Variants in TRIM4 observed in about 807,000 individuals in gnomAD.
TRIM4 encodes tripartite motif containing 4.
Under a neutral mutation model 33.7 loss-of-function variants are expected in TRIM4, and 29 were observed. The ratio of observed to expected loss-of-function variants is 0.86; its 90% CI spans 0.64 to 1.17. The LOEUF (loss-of-function observed/expected upper bound fraction) is 1.17. TRIM4 is among the 50% of genes most tolerant of loss of function. The pLI, the probability that TRIM4 is intolerant of heterozygous loss-of-function variation, is 0.00. For synonymous variants in TRIM4, 224 were observed against 233.0 expected (o/e 0.96, Z 0.35); for missense variants, 554 against 593.7 (o/e 0.93, Z 0.69).
intron 5 of TRIM4, among the ~76,000 whole-genome samples, chr7:99,898,352 T>A (rs1485310732): frequency 6.6e-6 from 1 of 152,244 alleles, no homozygotes; most frequent in East Asian, 1.9e-4. Flanking sequence ...AAACTCTTAA[T>A]GTGGGGTGGC....
chr7:99,919,102 G>T lies in TRIM4; in HGVS notation c.300C>A (p.Asp100Glu), dbSNP rs1438650759. The T allele has an allele frequency of 6.5e-7, 1 of 1,533,374 alleles. No individual in the cohort carries two copies. Among genetic ancestry groups the T allele is most frequent in the Admixed American group, 2.0e-5 (1 of 49,822 alleles). The allele number at this position is 1,533,374 out of a possible 1,614,324, so 95.0% of individuals were successfully genotyped here. A position where few individuals can be genotyped will look rare whatever the true frequency, so the allele number is the denominator to read the frequency against. Residue 100 changes from aspartate to glutamate, a missense_variant, in exon 1 of 6, where the codon GAC (aspartate) becomes GAA (glutamate). Physicochemically the swap from Asp to Glu is conservative, Grantham distance 45. This residue lies in a region of TRIM4 where 233 missense variants were observed against 203.1 expected (regional missense o/e 1.15). Coordinates refer to ENST00000349062, the MANE Select transcript of TRIM4 (RefSeq NM_033091.3). ...ACACCAGGCACACTGGCCGCTGGTC[G>T]TCCTCGCAGAAGAGCCGCAGCGGCT... The part of the protein sequence containing the change: ...HWEPLRLFCE[D>E]DQRPVCLVCR...
At chr7:99,892,946 G>A (rs1001008891) in intron 5 of TRIM4, among the ~76,000 whole-genome samples, 200 bp from the exon 6 acceptor site, 3 of 152,104 alleles carry the variant, frequency 2.0e-5, no homozygotes, top group African/African-American at 7.2e-5. Flanking sequence ...TTTCCCTTCT[G>A]CTCTAAAAGA....
chr7:99,898,630 C>A (rs1819080727), intron 5 of TRIM4, among the ~76,000 whole-genome samples: 1 of 152,160 alleles, frequency 6.6e-6, no homozygotes, highest in African/African-American at 2.4e-5. Context: ...CAGAAGTGTG[C>A]ATTCTGGAGT....
intron 2 of TRIM4, 28 bp from the exon 3 acceptor site, chr7:99,908,840 C>T (rs530079849): frequency 2.8e-5 from 45 of 1,591,326 alleles, no homozygotes; most frequent in African/African-American, 4.1e-5. Context: ...TTGCTCACTC[C>T]TTTTTCTGCC....
chr7:99,898,326 T>C (rs1196326364), intron 5 of TRIM4, among the ~76,000 whole-genome samples: 4 of 152,166 alleles, frequency 2.6e-5, no homozygotes, highest in Admixed American at 2.6e-4. Context: ...GGCATGATAA[T>C]AGCATGTCAC....
intron 1 of TRIM4, chr7:99,917,707 G>A (rs991726583): frequency 3.6e-5 from 26 of 719,336 alleles, no homozygotes; most frequent in South Asian, 1.2e-4. Context: ...CAACAAGAGC[G>A]AAACTCCATC....
rs376124922 is a variant in TRIM4, at chr7:99,916,795, C to T, written c.393+2214G>A. Reference sequence around the variant, plus strand: ...AGTTACCTGTCTAAAACAAAAAAAACGATCATATCATTCCCTGCCTTAAAA... The same window carrying T: ...AGTTACCTGTCTAAAACAAAAAAAATGATCATATCATTCCCTGCCTTAAAA... On this transcript the variant is annotated intron_variant, in intron 1 of 5. Transcript: ENST00000349062. The T allele has an allele frequency of 1.4e-4, 112 of 779,888 alleles. 2 individuals carry two copies. The highest frequency in any genetic ancestry group is 3.9e-4 in the South Asian group (29 of 74,580). 48.3% of individuals were successfully genotyped at this position (779,888 alleles called of 1,614,324 possible).
At chr7:99,895,626 T>G (rs1819000154) in intron 5 of TRIM4, among the ~76,000 whole-genome samples, 1 of 152,252 alleles carries the variant, frequency 6.6e-6, no homozygotes, top group Non-Finnish European at 1.5e-5. Context: ...TTCTAAAAAT[T>G]ATTAAAAGGT....
intron 1 of TRIM4, among the ~76,000 whole-genome samples, chr7:99,917,079 A>G (rs1401411093): frequency 1.3e-5 from 2 of 152,200 alleles, no homozygotes; most frequent in African/African-American, 4.8e-5. Flanking sequence ...ACCCTTGAAG[A>G]GCTAACACAT....
chr7:99,915,007 A>G (rs538720470), intron 1 of TRIM4, among the ~76,000 whole-genome samples: 1 of 151,728 alleles, frequency 6.6e-6, no homozygotes, highest in Non-Finnish European at 1.5e-5. Flanking sequence ...ACAGGGTTTC[A>G]CCATGTTGGC....
chr7:99,909,133 G>GGTGTGTGT (rs140032652), intron 2 of TRIM4, among the ~76,000 whole-genome samples: 47,309 of 148,286 alleles, frequency 0.32, 8,295 homozygotes, highest in Non-Finnish European at 0.41. Flanking sequence ...GGAGTGTGAG[G>GGTGTGTGT]GTGTGTGTGT....
At chr7:99,892,888 C>G in intron 5 of TRIM4, 142 bp from the exon 6 acceptor site, 1 of 741,474 alleles carries the variant, frequency 1.3e-6, no homozygotes, top group Non-Finnish European at 2.2e-6. Context: ...TGATCCTCAG[C>G]CAGGCCTAGC....
intron 5 of TRIM4, among the ~76,000 whole-genome samples, chr7:99,901,005 A>G (rs1819153882): frequency 6.6e-6 from 1 of 152,080 alleles, no homozygotes; most frequent in African/African-American, 2.4e-5. Flanking sequence ...TTTGGCCATT[A>G]TGTCTTCAAG....
At chr7:99,899,198 T>C (rs898980373) in intron 5 of TRIM4, among the ~76,000 whole-genome samples, 6 of 152,170 alleles carry the variant, frequency 3.9e-5, no homozygotes, top group Non-Finnish European at 5.9e-5. Context: ...AACCCAGAAA[T>C]GCACTCCTCA....
intron 3 of TRIM4, 147 bp from the exon 4 acceptor site, chr7:99,903,745 C>G: frequency 1.2e-6 from 1 of 854,394 alleles, no homozygotes; most frequent in South Asian, 1.5e-5. Flanking sequence ...TTGACAGAAT[C>G]TGGTCCTTTC....
intron 1 of TRIM4, among the ~76,000 whole-genome samples, chr7:99,915,476 C>G (rs1028554430): frequency 3.3e-5 from 5 of 152,176 alleles, no homozygotes; most frequent in South Asian, 4.1e-4. Flanking sequence ...TCTCCCCTCA[C>G]CATAACGGGT....
chr7:99,892,384 G>A lies in TRIM4; in HGVS notation c.1204C>T (p.Pro402Ser). The A allele has an allele frequency of 6.2e-7, 1 of 1,614,068 alleles. No homozygotes were observed. The highest frequency in any genetic ancestry group is 2.2e-5 in the East Asian group (1 of 44,866). Residue 402 changes from proline to serine, a missense_variant, in exon 6 of 6, where the codon CCC (proline) becomes TCC (serine). Coordinates refer to ENST00000349062, the MANE Select transcript of TRIM4 (RefSeq NM_033091.3). Reference sequence around the variant, plus strand: ...GGAGTTCCAGGGAAGCCTATCAAGGGCCAATAGCCAGCAGCACTCCAATAA... The same window carrying A: ...GGAGTTCCAGGGAAGCCTATCAAGGACCAATAGCCAGCAGCACTCCAATAA... ...AIYWSAAGYW[P>S]LIGFPGTPTQ...
chr7:99,892,312 G>A lies in TRIM4; in HGVS notation c.1276C>T (p.Arg426Cys), dbSNP rs544095744. The A allele has an allele frequency of 3.2e-5, 52 of 1,614,150 alleles. No homozygotes were observed. The highest frequency in any genetic ancestry group is 1.3e-4 in the South Asian group (12 of 91,084). The change falls in exon 6 of 6, where the codon CGT becomes TGT. Residue 426 changes from arginine (R) to cysteine (C), a missense_variant. Coordinates refer to ENST00000349062, the MANE Select transcript of TRIM4 (RefSeq NM_033091.3). Reference sequence around the variant, plus strand: ...TAGAAGGAGACATTCCCAGTCCCACGATCCAGGTAAACCCCCACTCGGTGG... The same window carrying A: ...TAGAAGGAGACATTCCCAGTCCCACAATCCAGGTAAACCCCCACTCGGTGG... ...ALHRVGVYLD[R>C]GTGNVSFYSA...
intron 3 of TRIM4, among the ~76,000 whole-genome samples, chr7:99,906,368 T>G (rs1429945006): frequency 6.6e-6 from 1 of 152,110 alleles, no homozygotes; most frequent in East Asian, 1.9e-4. Context: ...TACTTTTTTT[T>G]TTTAAATAGA....
Sources: allele counts gnomAD v4.1 joint callset (sites outside exome capture counted in the v4.1 genomes callset), GRCh38; gene constraint gnomAD v4.1.1; regional missense constraint gnomAD v4.1.1; transcripts MANE v1.5; gene names NCBI Gene and HGNC (gene_info 2026-07-23, HGNC 2026-07-21).